Variants in PBRM1 observed in about 807,000 individuals in gnomAD.
The protein encoded by PBRM1 is protein polybromo-1.
PBRM1 carries 27 observed loss-of-function variants against 194.5 expected under a neutral mutation model. That is an observed-to-expected ratio of 0.14 (90% CI 0.10 to 0.19). The LOEUF (loss-of-function observed/expected upper bound fraction) is 0.19. Among genes scored for constraint, PBRM1 ranks in the 10% least tolerant of loss-of-function variants. The pLI is 1.00. For synonymous variants in PBRM1, 655 were observed against 693.2 expected (o/e 0.94, Z 0.87); for missense variants, 1,466 against 2,077.2 (o/e 0.71, Z 5.72).
At chr3:52,685,289 C>T (rs1014040773) in intron 1 of PBRM1, 3 of 152,066 alleles carry the variant, frequency 2.0e-5, no homozygotes, top group Non-Finnish European at 2.9e-5. Context: ...AAATATCTGG[C>T]CTCTACTATA....
At chr3:52,665,700 C>A (rs985015945) in intron 3 of PBRM1, among the ~76,000 whole-genome samples, 1 of 152,118 alleles carries the variant, frequency 6.6e-6, no homozygotes, top group Non-Finnish European at 1.5e-5. Flanking sequence ...AATCTAATGC[C>A]TGATGACATG....
intron 13 of PBRM1, among the ~76,000 whole-genome samples, chr3:52,624,021 A>C (rs2095364162): frequency 6.6e-6 from 1 of 152,252 alleles, no homozygotes. Context: ...TGGAATACAT[A>C]TGGTAGTAAC....
At chr3:52,647,904 T>C (rs1189094552) in intron 7 of PBRM1, among the ~76,000 whole-genome samples, 1 of 146,714 alleles carries the variant, frequency 6.8e-6, no homozygotes, top group Admixed American at 7.3e-5. Context: ...ATAAAAACCA[T>C]TACATTAAAT....
chr3:52,571,455 G>A (rs558151032), intron 22 of PBRM1, among the ~76,000 whole-genome samples: 2 of 150,860 alleles, frequency 1.3e-5, no homozygotes, highest in Admixed American at 6.6e-5. Context: ...GTGAAACCCC[G>A]TCTCTACTAA....
intron 25 of PBRM1, among the ~76,000 whole-genome samples, chr3:52,558,943 G>A (rs1354916544): frequency 1.3e-5 from 2 of 152,124 alleles, no homozygotes; most frequent in African/African-American, 4.8e-5. Flanking sequence ...AATTAACTCT[G>A]TAAGGGAAAA....
chr3:52,564,762 T>C (rs1291817253), intron 22 of PBRM1, among the ~76,000 whole-genome samples: 4 of 152,172 alleles, frequency 2.6e-5, no homozygotes, highest in Non-Finnish European at 5.9e-5. Context: ...AGGGCTTTTA[T>C]GGATAATTGA....
chr3:52,567,759 G>A (rs981814451), intron 22 of PBRM1, among the ~76,000 whole-genome samples: 11 of 149,084 alleles, frequency 7.4e-5, no homozygotes, highest in African/African-American at 2.7e-4. Flanking sequence ...AGCCTCCCGA[G>A]TAGCTGGGAT....
At chr3:52,550,218 A>G (rs1479398907) in intron 29 of PBRM1, among the ~76,000 whole-genome samples, 2 of 151,996 alleles carry the variant, frequency 1.3e-5, no homozygotes, top group East Asian at 3.8e-4. Context: ...ACCCTGTCTC[A>G]AAAACAAAAC....
At chr3:52,553,824 G>A (rs1319550312) in intron 27 of PBRM1, among the ~76,000 whole-genome samples, 2 of 152,036 alleles carry the variant, frequency 1.3e-5, no homozygotes, top group East Asian at 1.9e-4. Context: ...ACCACGCCCA[G>A]CTAATTTTTG....
intron 2 of PBRM1, among the ~76,000 whole-genome samples, chr3:52,673,285 G>T (rs1051575830): frequency 6.6e-6 from 1 of 151,596 alleles, no homozygotes; most frequent in Admixed American, 6.6e-5. Context: ...ACCGCGCCCA[G>T]CCATAAGAAC....
At chr3:52,612,860 C>T (rs1333150570) in intron 15 of PBRM1, among the ~76,000 whole-genome samples, 3 of 146,506 alleles carry the variant, frequency 2.0e-5, no homozygotes, top group Non-Finnish European at 3.0e-5. Flanking sequence ...GAGCCGAGAT[C>T]GTGCCACTGC....
At chr3:52,617,202 T>C in intron 14 of PBRM1, 60 bp downstream of exon 16, 1 of 1,406,636 alleles carries the variant, frequency 7.1e-7, no homozygotes, top group Non-Finnish European at 9.7e-7. Context: ...AAATGCATTA[T>C]TCTATAAGTA....
At chr3:52,642,621 A>C (rs1055767594) in intron 9 of PBRM1, among the ~76,000 whole-genome samples, 5 of 151,542 alleles carry the variant, frequency 3.3e-5, no homozygotes, top group African/African-American at 1.2e-4. Flanking sequence ...AAAAAAAAAA[A>C]AAAAAAACCA....
At chr3:52,668,416 G>T in intron 3 of PBRM1, 82 bp downstream of exon 4, 1 of 987,696 alleles carries the variant, frequency 1.0e-6, no homozygotes, top group Non-Finnish European at 1.5e-6. Context: ...CTACTCACCT[G>T]CCAGGTTTAT....
chr3:52,662,992 G>A (rs1399104876), intron 3 of PBRM1, among the ~76,000 whole-genome samples: 1 of 152,126 alleles, frequency 6.6e-6, no homozygotes, highest in Non-Finnish European at 1.5e-5. Flanking sequence ...GTTTCAAAAT[G>A]TCTGCTCATG....
At chr3:52,603,865 T>C (rs1363499140) in intron 16 of PBRM1, 133 bp from the exon 19 acceptor site, 1 of 820,474 alleles carries the variant, frequency 1.2e-6, no homozygotes, top group Non-Finnish European at 1.9e-6. Flanking sequence ...GAAGAGTATC[T>C]TTCCGAAGTT....
At chr3:52,562,623 A>G (rs895166083) in intron 24 of PBRM1, among the ~76,000 whole-genome samples, 2 of 148,536 alleles carry the variant, frequency 1.3e-5, no homozygotes, top group African/African-American at 5.0e-5. Flanking sequence ...ATCTCACTGC[A>G]GCCTTGATCT....
At chr3:52,574,088 T>G (rs912719199) in intron 22 of PBRM1, among the ~76,000 whole-genome samples, 4 of 152,258 alleles carry the variant, frequency 2.6e-5, no homozygotes, top group Admixed American at 2.6e-4. Flanking sequence ...TTAGTTTGTT[T>G]GTGCTGCTAT....
At chr3:52,560,935 T>C (rs1158529302) in intron 25 of PBRM1, among the ~76,000 whole-genome samples, 1 of 149,718 alleles carries the variant, frequency 6.7e-6, no homozygotes, top group Admixed American at 6.7e-5. Flanking sequence ...CTAAGAAGAG[T>C]AGTGGTTGAC....
Sources: gnomAD v4.1 joint callset for allele counts (sites outside exome capture counted in the v4.1 genomes callset) on GRCh38, gnomAD v4.1.1 for gene constraint, MANE v1.5 for transcripts, NCBI Gene and HGNC (gene_info 2026-07-23, HGNC 2026-07-21) for gene names.